PSMD14: variants seen among roughly 807,000 people sequenced by gnomAD.
PSMD14 encodes ubiquitin C-terminal hydrolase PSMD14.
A neutral mutation model predicts 41.2 loss-of-function variants in PSMD14; 7 were observed. The ratio of observed to expected loss-of-function variants is 0.17; its 90% CI spans 0.10 to 0.32. PSMD14 has a LOEUF of 0.32. PSMD14 is among the 10% of genes least tolerant of loss of function. The pLI, the probability that PSMD14 is intolerant of heterozygous loss-of-function variation, is 1.00. For synonymous variants in PSMD14, 114 were observed against 122.3 expected (o/e 0.93, Z 0.45); for missense variants, 139 against 375.6 (o/e 0.37, Z 5.21).
At chr2:161,389,886 G>GTTT (rs1683685363) in intron 8 of PSMD14, among the ~76,000 whole-genome samples, 5 of 14,920 alleles carry the variant, frequency 3.4e-4, no homozygotes, top group Non-Finnish European at 4.7e-4. Flanking sequence ...TTTCTTTTTT[G>GTTT]TTGTTTTTTT....
At chr2:161,397,632 C>G (rs1218844667) in intron 10 of PSMD14, among the ~76,000 whole-genome samples, 1 of 152,182 alleles carries the variant, frequency 6.6e-6, no homozygotes, top group East Asian at 1.9e-4. Flanking sequence ...ATAAATACAT[C>G]TTAAAAAATA....
intron 7 of PSMD14, among the ~76,000 whole-genome samples, chr2:161,376,077 C>T (rs1479228366): frequency 6.7e-6 from 1 of 149,524 alleles, no homozygotes; most frequent in Non-Finnish European, 1.5e-5. Flanking sequence ...TTTTGAGCTT[C>T]TTATTTTATA....
intron 1 of PSMD14, among the ~76,000 whole-genome samples, chr2:161,309,347 C>G (rs1431951745): frequency 6.6e-6 from 1 of 151,816 alleles, no homozygotes; most frequent in Non-Finnish European, 1.5e-5. Flanking sequence ...GAAAAATTCT[C>G]GAGAAAATAA....
intron 8 of PSMD14, among the ~76,000 whole-genome samples, chr2:161,389,738 G>T (rs11693813): frequency 6.6e-6 from 1 of 151,450 alleles, no homozygotes; most frequent in African/African-American, 2.4e-5. Flanking sequence ...CTTAATCCAA[G>T]AATTTCCTGA....
At chr2:161,341,278 C>T (rs1363535738) in intron 3 of PSMD14, 2 of 1,017,902 alleles carry the variant, frequency 2.0e-6, no homozygotes, top group African/African-American at 1.8e-5. Flanking sequence ...AGGGCCAGCG[C>T]GGTGGCCAGC....
At chr2:161,372,539 C>A (rs1327330828) in intron 7 of PSMD14, among the ~76,000 whole-genome samples, 1 of 151,882 alleles carries the variant, frequency 6.6e-6, no homozygotes, top group East Asian at 1.9e-4. Flanking sequence ...CAAAAACTAT[C>A]CACAAAAACA....
intron 1 of PSMD14, among the ~76,000 whole-genome samples, chr2:161,311,986 GACTC>G (rs757087615): frequency 5.3e-5 from 8 of 152,044 alleles, no homozygotes; most frequent in Non-Finnish European, 7.4e-5. Context: ...ATTTAATGTT[GACTC>G]ACTCACGATC....
chr2:161,324,605 T>G (rs1682665855), intron 3 of PSMD14, among the ~76,000 whole-genome samples: 1 of 151,976 alleles, frequency 6.6e-6, no homozygotes, highest in Non-Finnish European at 1.5e-5. Context: ...CCCTAGGTGT[T>G]GTAGTTTCAT....
At chr2:161,374,055 AGATAT>A (rs779315917) in intron 7 of PSMD14, among the ~76,000 whole-genome samples, 30 of 151,938 alleles carry the variant, frequency 2.0e-4, no homozygotes, top group Non-Finnish European at 3.7e-4. Context: ...AGCAGAACAA[AGATAT>A]GAATCCAGTT....
In PSMD14 at chr2:161,361,209, T is replaced by C. The variant is rs548447610; in HGVS notation, c.49-6269T>C. 1.8e-4 allele frequency among the ~76,000 whole-genome samples: 27 copies of C among 152,236 alleles called. No individual in the cohort carries two copies. The South Asian group carries it at 5.6e-3, about 32-fold the overall frequency. On this transcript the variant is annotated intron_variant, in intron 3 of 11. Coordinates refer to ENST00000409682, the MANE Select transcript of PSMD14 (RefSeq NM_005805.6). ...ACATGATATAGGAAAGGAAATTTAG[T>C]TTTAAATGCTTCCAGTACTAAGAAA...
intron 7 of PSMD14, chr2:161,382,779 G>A (rs1683585483): frequency 6.6e-6 from 1 of 151,726 alleles, no homozygotes; most frequent in Non-Finnish European, 1.5e-5. Flanking sequence ...GAGTTTATAA[G>A]ATATAAACTG....
intron 3 of PSMD14, among the ~76,000 whole-genome samples, chr2:161,335,732 C>T (rs1000480786): frequency 1.3e-5 from 2 of 152,168 alleles, no homozygotes; most frequent in Non-Finnish European, 2.9e-5. Context: ...GGATAAATTC[C>T]TAGGAGTGGA....
chr2:161,334,948 T>C (rs1167781857), intron 3 of PSMD14, among the ~76,000 whole-genome samples: 2 of 152,208 alleles, frequency 1.3e-5, no homozygotes, highest in Non-Finnish European at 2.9e-5. Flanking sequence ...TCAAATAGCA[T>C]TGTGAATAGA....
At position 161,408,783 on chromosome 2, in the gene PSMD14, G is replaced by A; in HGVS notation, c.772-54G>A. ...CATTATTTTTGGTGATTATCCTGCA[G>A]TGGGAATAGAGGATTTATAATTTTA... is the stretch of plus-strand genomic sequence containing the variant. On this transcript the variant is annotated intron_variant, in intron 10 of 11. Coordinates refer to ENST00000409682, the MANE Select transcript of PSMD14 (RefSeq NM_005805.6). The A allele has an allele frequency of 2.2e-6, 3 of 1,377,804 alleles. No homozygotes were observed. The South Asian group carries it at 3.8e-5, about 17-fold the overall frequency. The allele number at this position is 1,377,804 out of a possible 1,614,324, so 85.3% of individuals were successfully genotyped here. A position where few individuals can be genotyped will look rare whatever the true frequency, so the allele number is the denominator to read the frequency against.
intron 10 of PSMD14, among the ~76,000 whole-genome samples, chr2:161,395,686 T>C (rs556607575): frequency 4.6e-5 from 7 of 152,196 alleles, no homozygotes; most frequent in South Asian, 2.1e-4. Context: ...TGTATACATA[T>C]AGATTGCAAC....
At chr2:161,367,658 GT>G (rs1287847887) in intron 4 of PSMD14, 109 bp downstream of exon 4, 42 of 1,419,964 alleles carry the variant, frequency 3.0e-5, no homozygotes, top group Non-Finnish European at 4.0e-5. Context: ...ATAAGCTATT[GT>G]TTTAGGTACA....
chr2:161,365,283 A>G (rs1683343858), intron 3 of PSMD14, among the ~76,000 whole-genome samples: 1 of 152,038 alleles, frequency 6.6e-6, no homozygotes, highest in South Asian at 2.1e-4. Context: ...TCTCGAGGTA[A>G]CTCTAGTTGG....
Position 161,371,439 on chromosome 2 carries a change from G to A in PSMD14, c.462+117G>A, listed in dbSNP as rs754674981. The A allele has an allele frequency of 2.6e-4, 285 of 1,094,534 alleles. 1 individual carries two copies. Among genetic ancestry groups the A allele is most frequent in the Non-Finnish European group, 9.4e-5 (76 of 804,630 alleles). The allele number at this position is 1,094,534 out of a possible 1,614,324, so 67.8% of individuals were successfully genotyped here. ...TTAATTACACAGAAAGCTGCTGTCT[G>A]TTTACTTAAAAAACAAAAAAACTGT... On this transcript the variant is annotated intron_variant, in intron 7 of 11. Coordinates refer to ENST00000409682, the MANE Select transcript of PSMD14 (RefSeq NM_005805.6).
chr2:161,362,296 C>T (rs761277437), intron 3 of PSMD14, among the ~76,000 whole-genome samples: 6 of 152,150 alleles, frequency 3.9e-5, no homozygotes, highest in Non-Finnish European at 5.9e-5. Context: ...TCTGTATTTT[C>T]CCCTACTATA....
Sources: gnomAD v4.1 joint callset for allele counts (sites outside exome capture counted in the v4.1 genomes callset) on GRCh38, gnomAD v4.1.1 for gene constraint, MANE v1.5 for transcripts, NCBI Gene and HGNC (gene_info 2026-07-23, HGNC 2026-07-21) for gene names.